FAM135B: variants seen among roughly 807,000 people sequenced by gnomAD.
FAM135B encodes family with sequence similarity 135 member B, also known as protein FAM135B.
Under a neutral mutation model 127.7 loss-of-function variants are expected in FAM135B, and 43 were observed. That is an observed-to-expected ratio of 0.34 (90% CI 0.26 to 0.43). The LOEUF (loss-of-function observed/expected upper bound fraction) is 0.43, where lower values mean the gene tolerates loss of function less well. Ranked by LOEUF, FAM135B falls within the 20% of genes least tolerant of loss-of-function variation. The pLI is 1.00. For missense variants in FAM135B, 1,558 were observed against 1,725.6 expected, an observed-to-expected ratio of 0.90 and a Z score of 1.72; for synonymous variants, 670 against 665.1, an observed-to-expected ratio of 1.01 and a Z score of -0.11.
intron 7 of FAM135B, among the ~76,000 whole-genome samples, chr8:138,206,918 C>T (rs1817732771): frequency 2.0e-5 from 3 of 151,826 alleles, no homozygotes; most frequent in Non-Finnish European, 4.4e-5. Context: ...TTCAGCATCC[C>T]CTCCCCCTAC....
At chr8:138,218,556 A>G (rs10100893) in intron 7 of FAM135B, among the ~76,000 whole-genome samples, 2,730 of 152,322 alleles carry the variant, frequency 0.018, 85 homozygotes, top group African/African-American at 0.058. Flanking sequence ...AGTGGGACTC[A>G]TACTTAGAAA....
intron 3 of FAM135B, among the ~76,000 whole-genome samples, chr8:138,269,362 C>A (rs191024354): frequency 6.6e-6 from 1 of 152,214 alleles, no homozygotes; most frequent in Non-Finnish European, 1.5e-5. Flanking sequence ...GGACCATCTA[C>A]TTGTGGACTA....
rs1816763868 is a variant in FAM135B at position 138,197,639 on chromosome 8, T to C, written c.700A>G (p.Met234Val). The C allele has an allele frequency of 1.2e-6, 2 of 1,614,192 alleles. No homozygotes were observed. The change falls in exon 8 of 20, where the codon ATG becomes GTG. Residue 234 changes from methionine to valine, a missense_variant. Transcript: ENST00000395297. ...GSFYITSENC[M>V]QHAHKWHRDL... ...CGGTGCCACTTGTGTGCGTGCTGCA[T>C]GCAGTTCTCAGAGGTGATGTAGAAG...
At chr8:138,217,948 T>A (rs1034219859) in intron 7 of FAM135B, among the ~76,000 whole-genome samples, 1 of 152,200 alleles carries the variant, frequency 6.6e-6, no homozygotes, top group African/African-American at 2.4e-5. Flanking sequence ...CTCATAAATG[T>A]AAGGAATTCT....
At chr8:138,369,691 G>A (rs1401608) in intron 1 of FAM135B, among the ~76,000 whole-genome samples, 9,768 of 152,148 alleles carry the variant, frequency 0.064, 714 homozygotes, top group East Asian at 0.27. Context: ...GTCAGAACCC[G>A]AGGCTCAATT....
At chr8:138,236,298 T>G (rs1021287752) in intron 7 of FAM135B, among the ~76,000 whole-genome samples, 1 of 151,964 alleles carries the variant, frequency 6.6e-6, no homozygotes, top group Non-Finnish European at 1.5e-5. Flanking sequence ...CCAAGAGAAA[T>G]TGGCACTCCC....
chr8:138,180,408 C>G (rs1345038116), intron 9 of FAM135B, among the ~76,000 whole-genome samples: 2 of 152,222 alleles, frequency 1.3e-5, no homozygotes, highest in Non-Finnish European at 2.9e-5. Context: ...CAGGGACACA[C>G]AGCCATAGCC....
Position 138,197,373 on chromosome 8 carries a change from A to T in FAM135B, c.823+143T>A, listed in dbSNP as rs1586747381. ...ATTTCCCAGATCCTCTCCTGGTAGA[A>T]TAATAAAAATCACAGCCCAAACCTA... On this transcript the variant is annotated intron_variant, in intron 8 of 19. Transcript: ENST00000395297. The T allele has an allele frequency of 3.7e-5, 34 of 923,740 alleles. 1 individual carries two copies. The East Asian group carries it at 9.1e-4, about 25-fold the overall frequency. 57.2% of individuals were successfully genotyped at this position (923,740 alleles called of 1,614,324 possible).
chr8:138,363,669 G>C (rs1466682651), intron 2 of FAM135B, among the ~76,000 whole-genome samples: 1 of 152,152 alleles, frequency 6.6e-6, no homozygotes, highest in Non-Finnish European at 1.5e-5. Flanking sequence ...TCTCAGACTG[G>C]AACAAACACC....
chr8:138,302,124 T>A (rs1825930257), intron 3 of FAM135B, among the ~76,000 whole-genome samples: 1 of 87,606 alleles, frequency 1.1e-5, no homozygotes, highest in Admixed American at 1.5e-4. Context: ...AAAAACCACA[T>A]GAAGGAAGTG....
intron 11 of FAM135B, among the ~76,000 whole-genome samples, chr8:138,168,769 T>C (rs960724962): frequency 6.6e-6 from 1 of 152,238 alleles, no homozygotes; most frequent in African/African-American, 2.4e-5. Flanking sequence ...GAGTTTATTT[T>C]ACTCTATAAA....
At chr8:138,316,363 G>C (rs555088517) in intron 2 of FAM135B, among the ~76,000 whole-genome samples, 1 of 152,030 alleles carries the variant, frequency 6.6e-6, no homozygotes, top group Non-Finnish European at 1.5e-5. Flanking sequence ...GCGCAGTGGC[G>C]GGCGCCTGTA....
chr8:138,157,605 T>G (rs200492446), intron 12 of FAM135B, among the ~76,000 whole-genome samples: 1 of 152,050 alleles, frequency 6.6e-6, no homozygotes, highest in Admixed American at 6.6e-5. Flanking sequence ...AAAGTCTCAG[T>G]ATACAAAATC....
intron 7 of FAM135B, among the ~76,000 whole-genome samples, chr8:138,224,571 G>C (rs1819268540): frequency 6.6e-6 from 1 of 152,136 alleles, no homozygotes; most frequent in South Asian, 2.1e-4. Flanking sequence ...ACATCATTGA[G>C]TAACAACTAG....
At chr8:138,137,797 T>A (rs568056167) in intron 18 of FAM135B, among the ~76,000 whole-genome samples, 1 of 152,224 alleles carries the variant, frequency 6.6e-6, no homozygotes, top group Admixed American at 6.5e-5. Context: ...GTCCCCACAA[T>A]GCAGACAGAG....
intron 9 of FAM135B, among the ~76,000 whole-genome samples, chr8:138,187,918 T>G (rs1441282486): frequency 1.3e-5 from 2 of 152,132 alleles, no homozygotes; most frequent in African/African-American, 2.4e-5. Flanking sequence ...GGCCAATGAT[T>G]TAATCAATTG....
At chr8:138,464,846 C>T (rs1837305889) in intron 1 of FAM135B, among the ~76,000 whole-genome samples, 2 of 152,176 alleles carry the variant, frequency 1.3e-5, no homozygotes, top group Admixed American at 6.5e-5. Context: ...TGGAGTGTGG[C>T]CCTCTGCACA....
At chr8:138,387,946 C>A (rs774599939) in intron 1 of FAM135B, among the ~76,000 whole-genome samples, 1 of 152,124 alleles carries the variant, frequency 6.6e-6, no homozygotes. Context: ...TCCTATCACC[C>A]TTTTAATAAA....
At chr8:138,142,770 A>G (rs1189385379) in intron 16 of FAM135B, 1 of 387,990 alleles carries the variant, frequency 2.6e-6, no homozygotes, top group Non-Finnish European at 4.6e-6. Context: ...TTTTGTTTTA[A>G]GTCCAAGACT....
Sources: allele counts gnomAD v4.1 joint callset (sites outside exome capture counted in the v4.1 genomes callset), GRCh38; gene constraint gnomAD v4.1.1; transcripts MANE v1.5; gene names NCBI Gene and HGNC (gene_info 2026-07-23, HGNC 2026-07-21).